ARHGAP25: variants seen among roughly 807,000 people sequenced by gnomAD.
ARHGAP25 encodes the protein rho GTPase-activating protein 25.
Under a neutral mutation model 71.0 loss-of-function variants are expected in ARHGAP25, and 34 were observed. That is an observed-to-expected ratio of 0.48 (90% CI 0.36 to 0.64). The LOEUF is 0.64. ARHGAP25 is among the 30% of genes least tolerant of loss of function. ARHGAP25 has a pLI of 0.00. For synonymous variants in ARHGAP25, 282 were observed against 296.5 expected (o/e 0.95, Z 0.50); for missense variants, 706 against 805.1 (o/e 0.88, Z 1.49).
At chr2:68,823,227 T>C (rs1375495772) in intron 10 of ARHGAP25, among the ~76,000 whole-genome samples, 1 of 152,250 alleles carries the variant, frequency 6.6e-6, no homozygotes, top group Non-Finnish European at 1.5e-5. Flanking sequence ...GCCCCTCCTC[T>C]GTGCCAGGCA....
intron 4 of ARHGAP25, among the ~76,000 whole-genome samples, chr2:68,798,145 C>T (rs1372628248): frequency 6.6e-6 from 1 of 152,208 alleles, no homozygotes; most frequent in African/African-American, 2.4e-5. Flanking sequence ...TGTTTGCCAA[C>T]AGGAAGCATA....
At chr2:68,760,165 C>G (rs1375309707) in intron 1 of ARHGAP25, among the ~76,000 whole-genome samples, 1 of 151,844 alleles carries the variant, frequency 6.6e-6, no homozygotes, top group Non-Finnish European at 1.5e-5. Context: ...ACTCAATAAA[C>G]CAGGAATAGA....
At chr2:68,803,747 C>T (rs1419763650) in intron 4 of ARHGAP25, among the ~76,000 whole-genome samples, 5 of 151,146 alleles carry the variant, frequency 3.3e-5, no homozygotes, top group African/African-American at 1.2e-4. Context: ...AAGACAGGAA[C>T]ACAGAGGAGA....
intron 1 of ARHGAP25, among the ~76,000 whole-genome samples, chr2:68,760,959 C>G (rs1353325989): frequency 6.7e-6 from 1 of 150,104 alleles, no homozygotes; most frequent in African/African-American, 2.5e-5. Context: ...TGATTAGTTA[C>G]AAAATTTAGA....
At chr2:68,724,084 C>T (rs867477816) in intron 2 of ARHGAP25, among the ~76,000 whole-genome samples, 3 of 152,078 alleles carry the variant, frequency 2.0e-5, no homozygotes, top group Admixed American at 6.5e-5. Context: ...TATGACAGGA[C>T]AATGGCCTCC....
At chr2:68,717,852 A>G (rs931799618) in intron 2 of ARHGAP25, among the ~76,000 whole-genome samples, 2 of 152,168 alleles carry the variant, frequency 1.3e-5, no homozygotes, top group Non-Finnish European at 2.9e-5. Context: ...GCCAATATAA[A>G]TTTATTCTTC....
intron 9 of ARHGAP25, among the ~76,000 whole-genome samples, 162 bp from the exon 10 acceptor site, chr2:68,822,178 G>GA (rs1298684465): frequency 6.6e-6 from 1 of 151,882 alleles, no homozygotes; most frequent in Non-Finnish European, 1.5e-5. Flanking sequence ...TATCCTTTTG[G>GA]AAAAAAATGC....
intron 1 of ARHGAP25, among the ~76,000 whole-genome samples, chr2:68,737,639 A>G (rs1675289701): frequency 6.6e-6 from 1 of 152,208 alleles, no homozygotes; most frequent in Admixed American, 6.5e-5. Flanking sequence ...AGGGTGGAAT[A>G]TAAGGTCATT....
chr2:68,790,536 G>A lies in ARHGAP25; in HGVS notation c.466+2580G>A, dbSNP rs189176527. On this transcript the variant is annotated intron_variant, in intron 4 of 10. Transcript: ENST00000409202. ...AAGAATCTCTAACGTGGGTTGACTA[G>A]ATGGGAAAGACATGCCTCCCAAATA... Among the ~76,000 whole-genome samples, 3 of 152,338 alleles carry A rather than the reference G, an allele frequency of 2.0e-5. No homozygotes were observed. In the East Asian group the frequency reaches 5.8e-4, roughly 29 times the overall value.
At chr2:68,797,683 G>A (rs971213047) in intron 4 of ARHGAP25, among the ~76,000 whole-genome samples, 3 of 152,170 alleles carry the variant, frequency 2.0e-5, no homozygotes, top group Non-Finnish European at 4.4e-5. Context: ...TAAGAGCTCC[G>A]ATCCAGAATG....
intron 2 of ARHGAP25, among the ~76,000 whole-genome samples, chr2:68,727,555 C>T (rs1472486192): frequency 6.6e-6 from 1 of 152,152 alleles, no homozygotes; most frequent in African/African-American, 2.4e-5. Flanking sequence ...AGAAACCTCC[C>T]CCGGCTTTGT....
intron 2 of ARHGAP25, among the ~76,000 whole-genome samples, chr2:68,780,812 C>G (rs972473608): frequency 6.6e-6 from 1 of 152,038 alleles, no homozygotes; most frequent in Non-Finnish European, 1.5e-5. Context: ...CTGAGATTTC[C>G]TTAAGACTCT....
intron 2 of ARHGAP25, 63 bp from the exon 3 acceptor site, chr2:68,782,170 A>C: frequency 7.0e-7 from 1 of 1,433,306 alleles, no homozygotes; most frequent in Non-Finnish European, 9.8e-7. Flanking sequence ...TCTGTTGTCC[A>C]ACCCAATTTT....
chr2:68,775,508 C>A, intron 2 of ARHGAP25, 88 bp downstream of exon 2: 2 of 1,587,388 alleles, frequency 1.3e-6, no homozygotes, highest in Middle Eastern at 1.7e-4. Context: ...TCACAGGGGC[C>A]TTCTCAATAG....
At chr2:68,801,418 G>A (rs961288878) in intron 4 of ARHGAP25, among the ~76,000 whole-genome samples, 1 of 152,206 alleles carries the variant, frequency 6.6e-6, no homozygotes, top group African/African-American at 2.4e-5. Flanking sequence ...AGGGACTGGT[G>A]TGCCAAAAGC....
intron 5 of ARHGAP25, among the ~76,000 whole-genome samples, chr2:68,808,725 T>C (rs1680560764): frequency 1.3e-5 from 2 of 152,228 alleles, no homozygotes; most frequent in African/African-American, 4.8e-5. Context: ...CTTTTTATGT[T>C]TTCAGTTAAC....
At chr2:68,781,850 C>T (rs139199055) in intron 2 of ARHGAP25, among the ~76,000 whole-genome samples, 47 of 152,274 alleles carry the variant, frequency 3.1e-4, no homozygotes, top group Non-Finnish European at 5.6e-4. Context: ...CTCCCTGAAC[C>T]CCTCTGGCAG....
intron 1 of ARHGAP25, among the ~76,000 whole-genome samples, chr2:68,740,511 T>C (rs1449011548): frequency 6.6e-6 from 1 of 152,184 alleles, no homozygotes; most frequent in Non-Finnish European, 1.5e-5. Context: ...CTCATCTGCC[T>C]GGAGCCCTCT....
At chr2:68,754,049 C>G (rs1676339640) in intron 1 of ARHGAP25, among the ~76,000 whole-genome samples, 1 of 151,990 alleles carries the variant, frequency 6.6e-6, no homozygotes, top group South Asian at 2.1e-4. Context: ...ACTACAGGCG[C>G]CCGCCACCAT....
Sources: allele counts gnomAD v4.1 joint callset (sites outside exome capture counted in the v4.1 genomes callset), GRCh38; gene constraint gnomAD v4.1.1; transcripts MANE v1.5; gene names NCBI Gene and HGNC (gene_info 2026-07-23, HGNC 2026-07-21).